Variants in SLC10A7 observed in about 807,000 individuals in gnomAD.
The protein encoded by SLC10A7 is solute carrier family 10 member 7, also known as sodium/bile acid cotransporter 7.
A neutral mutation model predicts 43.2 loss-of-function variants in SLC10A7; 29 were observed. The observed-to-expected ratio is 0.67, with a 90% CI of 0.50 to 0.92. SLC10A7 has a LOEUF of 0.92. Ranked by LOEUF, SLC10A7 falls within the 40% of genes least tolerant of loss-of-function variation. The pLI, the probability that SLC10A7 is intolerant of heterozygous loss-of-function variation, is 0.00. For missense variants in SLC10A7, 295 were observed against 403.2 expected (o/e 0.73, Z 2.30); for synonymous variants, 152 against 144.8 (o/e 1.05, Z -0.35).
chr4:146,507,444 C>T (rs1737025638), intron 3 of SLC10A7, among the ~76,000 whole-genome samples: 1 of 152,080 alleles, frequency 6.6e-6, no homozygotes, highest in Non-Finnish European at 1.5e-5. Context: ...CCTGTAATCC[C>T]AGCTACTCAG....
At chr4:146,313,958 A>T (rs1047303559) in intron 6 of SLC10A7, among the ~76,000 whole-genome samples, 21 of 152,174 alleles carry the variant, frequency 1.4e-4, no homozygotes, top group African/African-American at 4.8e-4. Context: ...CTTAGGATAT[A>T]ATGTTCAAGA....
intron 5 of SLC10A7, among the ~76,000 whole-genome samples, chr4:146,388,708 G>A (rs1484500226): frequency 6.6e-6 from 1 of 151,478 alleles, no homozygotes; most frequent in Non-Finnish European, 1.5e-5. Context: ...GCAGTGAGCC[G>A]AGATGTTGCC....
chr4:146,470,850 T>G (rs1733507718), intron 4 of SLC10A7, among the ~76,000 whole-genome samples: 2 of 152,180 alleles, frequency 1.3e-5, no homozygotes, highest in African/African-American at 4.8e-5. Flanking sequence ...GGAAATTCAC[T>G]AGCACTAATA....
intron 5 of SLC10A7, among the ~76,000 whole-genome samples, chr4:146,403,603 T>C (rs747617611): frequency 2.0e-5 from 3 of 152,208 alleles, no homozygotes; most frequent in Non-Finnish European, 4.4e-5. Flanking sequence ...GCCTATCACA[T>C]GCTTATATGT....
At chr4:146,270,421 G>T (rs545808645) in intron 10 of SLC10A7, among the ~76,000 whole-genome samples, 34 of 152,272 alleles carry the variant, frequency 2.2e-4, no homozygotes, top group Non-Finnish European at 4.6e-4. Flanking sequence ...AACCCATCTC[G>T]CATTCTTTTT....
At chr4:146,511,068 T>TGAATTC (rs1286480409) in intron 2 of SLC10A7, among the ~76,000 whole-genome samples, 1 of 152,186 alleles carries the variant, frequency 6.6e-6, no homozygotes, top group Admixed American at 6.5e-5. Context: ...GAAATTGAAG[T>TGAATTC]TGAGGGCTAC....
intron 5 of SLC10A7, among the ~76,000 whole-genome samples, chr4:146,438,080 G>A (rs1730332779): frequency 6.6e-6 from 1 of 152,024 alleles, no homozygotes; most frequent in Admixed American, 6.6e-5. Flanking sequence ...CATGGCACTT[G>A]TGTTTGGGAT....
At chr4:146,512,076 C>T (rs531089602) in intron 2 of SLC10A7, among the ~76,000 whole-genome samples, 2 of 143,798 alleles carry the variant, frequency 1.4e-5, no homozygotes, top group Non-Finnish European at 1.5e-5. Flanking sequence ...TGAGTTCAAG[C>T]GATTCTCCTG....
At chr4:146,334,400 T>C (rs1001771989) in intron 5 of SLC10A7, among the ~76,000 whole-genome samples, 4 of 152,038 alleles carry the variant, frequency 2.6e-5, no homozygotes, top group East Asian at 1.9e-4. Context: ...GAAAGTTAAA[T>C]TGGAGTACAT....
At chr4:146,381,329 TTGTA>T (rs778065404) in intron 5 of SLC10A7, among the ~76,000 whole-genome samples, 1 of 152,160 alleles carries the variant, frequency 6.6e-6, no homozygotes, top group Non-Finnish European at 1.5e-5. Flanking sequence ...ATGTGAACTT[TTGTA>T]AAACTGAACT....
chr4:146,470,118 A>G (rs1293244454), intron 4 of SLC10A7, among the ~76,000 whole-genome samples: 1 of 152,154 alleles, frequency 6.6e-6, no homozygotes, highest in East Asian at 1.9e-4. Context: ...CAGAGCTTGC[A>G]CTATTATTTG....
chr4:146,313,586 T>C (rs1732125248), intron 6 of SLC10A7, among the ~76,000 whole-genome samples: 1 of 152,130 alleles, frequency 6.6e-6, no homozygotes, highest in Non-Finnish European at 1.5e-5. Flanking sequence ...TGTCCATTAA[T>C]TATGCAACCA....
intron 10 of SLC10A7, among the ~76,000 whole-genome samples, chr4:146,278,216 AATTACTG>A (rs1277414572): frequency 6.6e-6 from 1 of 152,136 alleles, no homozygotes; most frequent in Non-Finnish European, 1.5e-5. Context: ...ATAAGGCAAC[AATTACTG>A]ACTTGCTAAT....
chr4:146,339,993 A>G (rs1315022091), intron 5 of SLC10A7, among the ~76,000 whole-genome samples: 4 of 151,544 alleles, frequency 2.6e-5, no homozygotes, highest in Admixed American at 2.0e-4. Context: ...CCACCCCGAC[A>G]GGTCCCGGTG....
chr4:146,319,676 C>CT lies in SLC10A7; in HGVS notation c.471+6284dup, dbSNP rs199796325. Among the ~76,000 whole-genome samples the CT allele has an allele frequency of 5.0e-3, 759 of 152,118 alleles. 8 individuals are homozygous for CT. Among genetic ancestry groups the CT allele is most frequent in the African/African-American group, 0.017 (706 of 41,514 alleles). On this transcript the variant is annotated intron_variant, in intron 6 of 11. Coordinates refer to ENST00000335472, the MANE Select transcript of SLC10A7 (RefSeq NM_001029998.6). ...ATGAGTAATGAATAAGTTTAAATAA[C>CT]TTTTTTGAGGAATTCTGCTACAAAA... is the stretch of plus-strand genomic sequence containing the variant.
intron 4 of SLC10A7, among the ~76,000 whole-genome samples, chr4:146,493,178 T>A (rs1378499040): frequency 6.6e-6 from 1 of 152,200 alleles, no homozygotes; most frequent in Non-Finnish European, 1.5e-5. Context: ...ATAATCAAAT[T>A]CTGTATAACA....
chr4:146,465,599 A>T (rs1338962014), intron 4 of SLC10A7, among the ~76,000 whole-genome samples: 1 of 152,182 alleles, frequency 6.6e-6, no homozygotes, highest in East Asian at 1.9e-4. Context: ...CCATTAAAAC[A>T]GTGAAGCCTT....
intron 5 of SLC10A7, among the ~76,000 whole-genome samples, chr4:146,427,925 CTT>C (rs1408196655): frequency 6.6e-6 from 1 of 151,966 alleles, no homozygotes; most frequent in Admixed American, 6.6e-5. Context: ...AATCCTAGCA[CTT>C]TAGGAGGTTG....
chr4:146,519,797 T>A (rs1738445099), intron 1 of SLC10A7, among the ~76,000 whole-genome samples: 1 of 152,150 alleles, frequency 6.6e-6, no homozygotes, highest in Non-Finnish European at 1.5e-5. Flanking sequence ...TATCTTCAAC[T>A]GTAAAAGAAG....
Sources: allele counts gnomAD v4.1 joint callset (sites outside exome capture counted in the v4.1 genomes callset), GRCh38; gene constraint gnomAD v4.1.1; transcripts MANE v1.5; gene names NCBI Gene and HGNC (gene_info 2026-07-23, HGNC 2026-07-21).